The following NTM variants were observed in gnomAD, a reference collection of about 807,000 sequenced individuals.
The protein encoded by NTM is neurotrimin.
NTM carries 13 observed loss-of-function variants against 42.1 expected under a neutral mutation model. The ratio of observed to expected loss-of-function variants is 0.31; its 90% confidence interval spans 0.20 to 0.49. The LOEUF is 0.49. Ranked by LOEUF, NTM falls within the 20% of genes least tolerant of loss-of-function variation. NTM has a pLI of 0.99. For synonymous variants in NTM, 187 were observed against 179.2 expected (o/e 1.04, Z -0.35); for missense variants, 373 against 452.8 (o/e 0.82, Z 1.60).
At chr11:131,754,560 G>T (rs779110754) in intron 1 of NTM, among the ~76,000 whole-genome samples, 1 of 151,926 alleles carries the variant, frequency 6.6e-6, no homozygotes, top group Non-Finnish European at 1.5e-5. Flanking sequence ...GGAAGACAGA[G>T]GTTGCAGTGA....
intron 1 of NTM, among the ~76,000 whole-genome samples, chr11:131,784,809 A>T (rs563332463): frequency 2.0e-5 from 3 of 152,136 alleles, no homozygotes; most frequent in Non-Finnish European, 2.9e-5. Context: ...ATCGTTCTAA[A>T]TCTATCTTTT....
In NTM at chr11:131,695,278, C is replaced by G. The variant is rs150651984; in HGVS notation, c.83-216286C>G. Among the ~76,000 whole-genome samples, 1,013 of 151,976 alleles carry G rather than the reference C, an allele frequency of 6.7e-3. 9 individuals carry two copies. Among genetic ancestry groups the G allele is most frequent in the African/African-American group, 0.022 (914 of 41,470 alleles). On this transcript the variant is annotated intron_variant, in intron 1 of 8. Coordinates refer to ENST00000683400, the MANE Select transcript of NTM (RefSeq NM_001352005.2). Reference sequence around the variant, plus strand: ...CCAGATGCCACCTGCACACCTCTGGCTTGGTGTTGGTTTTATTGTGCTTGT... The same window carrying G: ...CCAGATGCCACCTGCACACCTCTGGGTTGGTGTTGGTTTTATTGTGCTTGT...
chr11:131,562,301 C>T (rs1229954188), intron 1 of NTM, among the ~76,000 whole-genome samples: 1 of 152,066 alleles, frequency 6.6e-6, no homozygotes, highest in Non-Finnish European at 1.5e-5. Context: ...CAGATAAACT[C>T]TAGAAGCTAC....
chr11:131,530,425 CAA>C (rs60376694), intron 1 of NTM, among the ~76,000 whole-genome samples: 34 of 84,918 alleles, frequency 4.0e-4, no homozygotes, highest in Non-Finnish European at 4.7e-4. Flanking sequence ...GTGCCTTTCT[CAA>C]AAAAAAAAAA....
intron 1 of NTM, among the ~76,000 whole-genome samples, chr11:131,550,713 A>G (rs1259467808): frequency 6.6e-6 from 1 of 151,992 alleles, no homozygotes; most frequent in East Asian, 1.9e-4. Context: ...AAACAGACTA[A>G]TACACCTAGC....
chr11:132,125,890 G>A (rs1213900147), intron 2 of NTM, among the ~76,000 whole-genome samples: 2 of 108,650 alleles, frequency 1.8e-5, no homozygotes, highest in Non-Finnish European at 4.0e-5. Flanking sequence ...TATGTGGTGT[G>A]TGTGCGTGCA....
At chr11:131,735,841 T>G (rs1041804051) in intron 1 of NTM, among the ~76,000 whole-genome samples, 1 of 142,142 alleles carries the variant, frequency 7.0e-6, no homozygotes, top group Non-Finnish European at 1.5e-5. Context: ...ATAAGGTGTG[T>G]GTGTGTGTGT....
At chr11:132,001,674 A>G (rs1051394318) in intron 2 of NTM, among the ~76,000 whole-genome samples, 1 of 152,070 alleles carries the variant, frequency 6.6e-6, no homozygotes, top group Non-Finnish European at 1.5e-5. Flanking sequence ...TTACCCAAAC[A>G]TCTCCCACCA....
intron 1 of NTM, among the ~76,000 whole-genome samples, chr11:131,654,212 C>T (rs913718541): frequency 1.1e-4 from 17 of 152,264 alleles, no homozygotes; most frequent in Admixed American, 7.8e-4. Flanking sequence ...GAAAGGAGGT[C>T]GTCTGCCTTT....
At chr11:131,920,273 C>T (rs190926192) in intron 2 of NTM, among the ~76,000 whole-genome samples, 12 of 152,254 alleles carry the variant, frequency 7.9e-5, no homozygotes, top group South Asian at 2.1e-4. Flanking sequence ...TTAAGACTCT[C>T]GCAGCTGTAA....
intron 3 of NTM, among the ~76,000 whole-genome samples, chr11:132,182,519 G>A (rs537803938): frequency 7.9e-5 from 12 of 152,312 alleles, no homozygotes; most frequent in Admixed American, 5.9e-4. Context: ...GAGGCTGTAG[G>A]TGTAAAGCAT....
intron 1 of NTM, among the ~76,000 whole-genome samples, chr11:131,688,604 C>A (rs1417793605): frequency 6.6e-6 from 1 of 152,218 alleles, no homozygotes; most frequent in Non-Finnish European, 1.5e-5. Flanking sequence ...TCTTGCCCTG[C>A]GGCAGCGCCT....
At chr11:131,564,121 C>G (rs1453560235) in intron 1 of NTM, among the ~76,000 whole-genome samples, 2 of 152,208 alleles carry the variant, frequency 1.3e-5, no homozygotes, top group Non-Finnish European at 2.9e-5. Flanking sequence ...GTTTATGCCC[C>G]TTGATTCCTG....
chr11:132,021,514 G>A (rs1001024297), intron 2 of NTM, among the ~76,000 whole-genome samples: 17 of 152,016 alleles, frequency 1.1e-4, no homozygotes, highest in African/African-American at 3.1e-4. Flanking sequence ...CACTTTTCCC[G>A]CAAAGGTTGT....
At chr11:131,578,314 T>TATATATTTGA (rs2058105931) in intron 1 of NTM, among the ~76,000 whole-genome samples, 1 of 152,254 alleles carries the variant, frequency 6.6e-6, no homozygotes, top group Non-Finnish European at 1.5e-5. Flanking sequence ...GTTTATGTCA[T>TATATATTTGA]ATCTGATGTC....
At chr11:131,931,892 G>T (rs908716741) in intron 2 of NTM, among the ~76,000 whole-genome samples, 2 of 152,178 alleles carry the variant, frequency 1.3e-5, no homozygotes, top group South Asian at 2.1e-4. Flanking sequence ...AGCAGCAAGA[G>T]GCCACCAGCT....
chr11:131,430,128 T>C (rs1948534854), intron 1 of NTM, among the ~76,000 whole-genome samples: 1 of 152,228 alleles, frequency 6.6e-6, no homozygotes, highest in South Asian at 2.1e-4. Context: ...CCATGTTCAC[T>C]CACAGAGACT....
chr11:132,146,822 T>G lies in NTM; in HGVS notation c.400+308T>G, dbSNP rs944380966. ...GTTTTAGTTATTTTTGTTTGTTTGT[T>G]TTTTGTTTTGTTTTGTTTTGTTTTT... On this transcript the variant is annotated intron_variant, in intron 3 of 8. Coordinates refer to ENST00000683400, the MANE Select transcript of NTM (RefSeq NM_001352005.2). The surrounding 1 kb of genome is among the most constrained non-coding windows in gnomAD (Gnocchi z 4.5). The G allele has an allele frequency of 7.9e-6, 3 of 377,770 alleles. No homozygotes were observed. The highest frequency in any genetic ancestry group is 1.4e-5 in the Non-Finnish European group (3 of 211,606). 23.4% of individuals were successfully genotyped at this position (377,770 alleles called of 1,614,324 possible).
chr11:131,680,421 C>A, intron 1 of NTM, among the ~76,000 whole-genome samples: 1 of 146,696 alleles, frequency 6.8e-6, no homozygotes, highest in Non-Finnish European at 1.5e-5. Flanking sequence ...GCATGTGTGC[C>A]TCTGTGTCTG....
Sources: allele counts gnomAD v4.1 joint callset (sites outside exome capture counted in the v4.1 genomes callset), GRCh38; gene constraint gnomAD v4.1.1; non-coding constraint Gnocchi (gnomAD v3.1); transcripts MANE v1.5; gene names NCBI Gene and HGNC (gene_info 2026-07-23, HGNC 2026-07-21).